Variants in MUC5B observed in about 807,000 individuals in gnomAD.
MUC5B encodes the protein mucin 5B, oligomeric mucus/gel-forming.
In MUC5B, 116 loss-of-function variants were observed where a neutral mutation model predicts 376.9. The observed-to-expected ratio is 0.31, with a 90% CI of 0.26 to 0.36. MUC5B has a LOEUF of 0.36. Among genes scored for constraint, MUC5B ranks in the 10% least tolerant of loss-of-function variants. The pLI, the probability that MUC5B is intolerant of heterozygous loss-of-function variation, is 1.00. For synonymous variants in MUC5B, 3,517 were observed against 3,390.9 expected (o/e 1.04, Z -1.29); for missense variants, 7,165 against 7,769.9 (o/e 0.92, Z 2.93).
intron 18 of MUC5B, 113 bp downstream of exon 18, chr11:1,233,381 C>A: frequency 8.0e-7 from 1 of 1,246,004 alleles, no homozygotes; most frequent in Non-Finnish European, 1.1e-6. Flanking sequence ...AGGGGCCAGG[C>A]TGGGGAGAGT....
chr11:1,254,934 C>T lies in MUC5B; in HGVS notation c.15664+54C>T. ...CAGGGCTGCTGCTGGGCCTGACAAC[C>T]CAGTGAGCATAGGGGAAGCCTGGGG... On this transcript the variant is annotated intron_variant, in intron 35 of 48. Transcript: ENST00000529681. The T allele has an allele frequency of 2.5e-6, 4 of 1,570,964 alleles. No homozygotes were observed. In the South Asian group the frequency reaches 4.6e-5, roughly 18 times the overall value.
chr11:1,238,973 C>A lies in MUC5B; in HGVS notation c.3400C>A (p.Gln1134Lys). ...CFCTAVAAYA[Q>K]ACHDAGLCVS... is the part of the protein sequence containing the mutation. ...CTGCACGGCTGTGGCTGCCTACGCC[C>A]AGGCCTGCCACGACGCGGGCCTGTG... The change falls in exon 26 of 49, where the codon CAG (glutamine) becomes AAG (lysine). Residue 1134 changes from glutamine to lysine, a missense_variant. Around this residue, in one of 31 missense-constraint regions of MUC5B, gnomAD observed 143 missense variants for 193.2 expected, o/e 0.74. Transcript: ENST00000529681. The A allele has an allele frequency of 1.9e-6, 3 of 1,572,256 alleles. No individual in the cohort carries two copies. Among genetic ancestry groups the A allele is most frequent in the Non-Finnish European group, 2.6e-6 (3 of 1,159,606 alleles).
chr11:1,233,374 G>A, intron 18 of MUC5B, 106 bp downstream of exon 18: 3 of 1,275,212 alleles, frequency 2.4e-6, no homozygotes, highest in Non-Finnish European at 3.1e-6. Flanking sequence ...AGACATGAGG[G>A]GCCAGGCTGG....
At position 1,249,719 on chromosome 11, in the gene MUC5B, A is replaced by T. The variant is rs1862613743; in HGVS notation, c.12839A>T (p.Lys4280Ile). ...ACCCCGGGAACAGCTCCCCCTCCCA[A>T]AGTGCTGACCAGCCCGGCCACCACA... is the stretch of plus-strand genomic sequence containing the variant. ...SSTPGTAPPP[K>I]VLTSPATTPT... is the part of the protein sequence containing the mutation. Residue 4280 changes from lysine to isoleucine, a missense_variant, in exon 31 of 49, where the codon AAA becomes ATA. Physicochemically the swap from Lys to Ile is moderately radical, Grantham distance 102. Coordinates refer to ENST00000529681, the MANE Select transcript of MUC5B (RefSeq NM_002458.3). 6.2e-7 allele frequency: 1 copy of T among 1,607,390 alleles called. No individual in the cohort carries two copies. The highest frequency in any genetic ancestry group is 2.2e-5 in the East Asian group (1 of 44,586).
Position 1,249,762 on chromosome 11 carries a change from C to T in MUC5B, c.12882C>T (p.Ser4294=). ...SPATTPTATS[S]KATSSSSPRT... is the part of the protein sequence containing the mutation. Reference sequence around the variant, plus strand: ...CCACCACACCCACAGCCACCAGTTCCAAAGCCACTTCCTCCTCCAGTCCAA... The same window carrying T: ...CCACCACACCCACAGCCACCAGTTCTAAAGCCACTTCCTCCTCCAGTCCAA... Residue 4294 remains serine (S), a synonymous_variant, in exon 31 of 49, where the codon TCC becomes TCT. Transcript: ENST00000529681. The T allele has an allele frequency of 6.2e-7, 1 of 1,613,036 alleles. No homozygotes were observed. The highest frequency in any genetic ancestry group is 8.5e-7 in the Non-Finnish European group (1 of 1,179,506).
chr11:1,253,094 G>A lies in MUC5B; in HGVS notation c.15217+114G>A. ...GGCACAGTGGGGTGCAGTGGGGAATGGTGGGGCATGGTGGGGCATGGTGGG... is the reference window on the plus strand; with the variant it reads ...GGCACAGTGGGGTGCAGTGGGGAATAGTGGGGCATGGTGGGGCATGGTGGG... On this transcript the variant is annotated intron_variant, in intron 33 of 48. Transcript: ENST00000529681. This position sits in a 1 kb window ranked among gnomAD's most constrained non-coding sequence, Gnocchi z 4.3. 5.3e-6 allele frequency: 5 copies of A among 941,430 alleles called. No individual in the cohort carries two copies. The highest frequency in any genetic ancestry group is 7.9e-6 in the Non-Finnish European group (5 of 634,930). The allele number at this position is 941,430 out of a possible 1,614,324, so 58.3% of individuals were successfully genotyped here. A position where few individuals can be genotyped will look rare whatever the true frequency, so the allele number is the denominator to read the frequency against.
rs1161382122 is a variant in MUC5B at position 1,261,632 on chromosome 11, G to A, written c.*24G>A. 2 of 1,577,434 alleles carry A rather than the reference G, an allele frequency of 1.3e-6. No individual in the cohort carries two copies. Among genetic ancestry groups the A allele is most frequent in the East Asian group, 2.3e-5 (1 of 43,266 alleles). ...GAGAACGTTCTGCCTCCATCCCCAT[G>A]CTCTGTCCACCTGGAGCCAGGATGT... On this transcript the variant is annotated 3_prime_UTR_variant, in exon 49 of 49. Transcript: ENST00000529681.
In MUC5B at chr11:1,241,630, G is replaced by T; in HGVS notation, c.4750G>T (p.Val1584Phe). The T allele has an allele frequency of 2.5e-6, 4 of 1,612,278 alleles. No individual in the cohort carries two copies. Among genetic ancestry groups the T allele is most frequent in the South Asian group, 1.1e-5 (1 of 90,988 alleles). ...GTGCAGGAACTGGGAGCAGGAGGGC[G>T]TCTTCAAGATGTGCTACAACTACAG... The part of the protein sequence containing the change: ...LVCRNWEQEG[V>F]FKMCYNYRIR... The change falls in exon 31 of 49, where the codon GTC (valine) becomes TTC (phenylalanine). Residue 1584 changes from valine (V) to phenylalanine (F), a missense_variant. Val to Phe is a conservative substitution (Grantham distance 50). Transcript: ENST00000529681.
Position 1,249,893 on chromosome 11 carries a change from C to T in MUC5B, c.13013C>T (p.Pro4338Leu), listed in dbSNP as rs1326940246. Residue 4338 changes from proline to leucine, a missense_variant, in exon 31 of 49, where the codon CCA becomes CTA. Physicochemically the swap from Pro to Leu is moderately conservative, Grantham distance 98. This residue lies in a region of MUC5B where 431 missense variants were observed against 390.4 expected (regional missense o/e 1.10). Coordinates refer to ENST00000529681, the MANE Select transcript of MUC5B (RefSeq NM_002458.3). ...ACCCTTGGGACCACCGGGACCCTCC[C>T]AGAACAGACCACCACACCCGTGGCC... ...SSTLGTTGTL[P>L]EQTTTPVATM... 2 of 1,613,648 alleles carry T rather than the reference C, an allele frequency of 1.2e-6. No individual in the cohort carries two copies. Among genetic ancestry groups the T allele is most frequent in the Non-Finnish European group, 1.7e-6 (2 of 1,179,798 alleles).
Position 1,249,996 on chromosome 11 carries a change from G to A in MUC5B, c.13116G>A (p.Thr4372=), listed in dbSNP as rs746438655. 33 of 1,606,824 alleles carry A rather than the reference G, an allele frequency of 2.1e-5. No homozygotes were observed. The East Asian group carries it at 5.2e-4, about 25-fold the overall frequency. ...CAGTGCTGACCACGAAGGCCACCAC[G>A]ACAAGGGCCACCAGTTCCACGTCCA... ...TSTVLTTKAT[T]TRATSSTSTP... Residue 4372 remains threonine, a synonymous_variant, in exon 31 of 49, where the codon ACG becomes ACA. Coordinates refer to ENST00000529681, the MANE Select transcript of MUC5B (RefSeq NM_002458.3).
chr11:1,239,863 C>A lies in MUC5B; in HGVS notation c.3648C>A (p.Ala1216=), dbSNP rs760618589. The A allele has an allele frequency of 3.7e-6, 6 of 1,613,108 alleles. No homozygotes were observed. Among genetic ancestry groups the A allele is most frequent in the African/African-American group, 2.7e-5 (2 of 74,916 alleles). ...ATGAGGACCAGATGAAGTGCGTGGC[C>A]CAGTGTGGCTGCTACGACAAGGACG... ...FFNEDQMKCV[A]QCGCYDKDGN... is the part of the protein sequence containing the mutation. Residue 1216 remains alanine (A), a synonymous_variant, in exon 28 of 49, where the codon GCC becomes GCA. Coordinates refer to ENST00000529681, the MANE Select transcript of MUC5B (RefSeq NM_002458.3).
chr11:1,235,317 C>A lies in MUC5B; in HGVS notation c.2784C>A (p.Asp928Glu). ...EYILAQDYCG[D>E]NTTHGTFRIV... ...TTCTGGCCCAGGACTACTGTGGGGA[C>A]AACACCACCCACGGGACCTTCCGCA... Residue 928 changes from aspartate (D) to glutamate (E), a missense_variant, in exon 23 of 49, where the codon GAC (aspartate) becomes GAA (glutamate). Physicochemically the swap from Asp to Glu is conservative, Grantham distance 45. Transcript: ENST00000529681. 2 of 1,612,944 alleles carry A rather than the reference C, an allele frequency of 1.2e-6. No individual in the cohort carries two copies. Among genetic ancestry groups the A allele is most frequent in the African/African-American group, 2.7e-5 (2 of 75,030 alleles).
rs1007713158 is a variant in MUC5B, at chr11:1,227,719, G to A, written c.712G>A (p.Asp238Asn). 4.1e-6 allele frequency: 3 copies of A among 724,354 alleles called. 1 individual carries two copies. The South Asian group carries it at 4.4e-5, about 11-fold the overall frequency. The allele number at this position is 724,354 out of a possible 1,614,324, so 44.9% of individuals were successfully genotyped here. A position where few individuals can be genotyped will look rare whatever the true frequency, so the allele number is the denominator to read the frequency against. Residue 238 changes from aspartate (D) to asparagine (N), a missense_variant, in exon 7 of 49, where the codon GAT becomes AAT. Coordinates refer to ENST00000529681, the MANE Select transcript of MUC5B (RefSeq NM_002458.3). Reference sequence around the variant, plus strand: ...CCAGTTTGGGAACCTGCAGAAGTTGGATGGGCCCACGGAGCAGTGCCCGGA... The same window carrying A: ...CCAGTTTGGGAACCTGCAGAAGTTGAATGGGCCCACGGAGCAGTGCCCGGA... ...PLQFGNLQKL[D>N]GPTEQCPDPL...
In MUC5B at chr11:1,244,149, G is replaced by C; in HGVS notation, c.7269G>C (p.Thr2423=). Residue 2423 remains threonine (T), a synonymous_variant, in exon 31 of 49, where the codon ACG becomes ACC. Transcript: ENST00000529681. ...HCPSTPATSS[T]AMPSSTPGTT... ...CCAGCACCCCGGCCACCAGCTCTAC[G>C]GCCATGCCCTCCTCCACTCCGGGGA... 2 of 1,613,276 alleles carry C rather than the reference G, an allele frequency of 1.2e-6. No homozygotes were observed. The highest frequency in any genetic ancestry group is 1.7e-6 in the Non-Finnish European group (2 of 1,179,758).
intron 25 of MUC5B, among the ~76,000 whole-genome samples, chr11:1,237,524 C>A (rs372315513): frequency 4.0e-4 from 61 of 152,324 alleles, no homozygotes; most frequent in African/African-American, 1.4e-3. Context: ...AGCCTGGCTC[C>A]CCGCTCAGCC....
At position 1,252,607 on chromosome 11, in the gene MUC5B, G is replaced by C. The variant is rs907460221; in HGVS notation, c.15045+83G>C. ...GAGGCACAGCCACAGTCCAGCTCCC[G>C]AGGCCCGTCTCAGTGACCCCGCCGC... On this transcript the variant is annotated intron_variant, in intron 32 of 48. Coordinates refer to ENST00000529681, the MANE Select transcript of MUC5B (RefSeq NM_002458.3). 3.5e-6 allele frequency: 5 copies of C among 1,415,746 alleles called. No homozygotes were observed. The African/African-American group carries it at 5.8e-5, about 16-fold the overall frequency. 87.7% of individuals were successfully genotyped at this position (1,415,746 alleles called of 1,614,324 possible).
Position 1,261,774 on chromosome 11 carries a change from G to T in MUC5B, c.*166G>T. ...CCGTGGGTGAAACCGGCCCCAGAAGGGTGAGGGGCCAGCAGGACCCCTTTC... is the reference window on the plus strand; with the variant it reads ...CCGTGGGTGAAACCGGCCCCAGAAGTGTGAGGGGCCAGCAGGACCCCTTTC... On this transcript the variant is annotated 3_prime_UTR_variant, in exon 49 of 49. Coordinates refer to ENST00000529681, the MANE Select transcript of MUC5B (RefSeq NM_002458.3). The T allele has an allele frequency of 1.3e-6, 1 of 749,580 alleles. No homozygotes were observed. 46.4% of individuals were successfully genotyped at this position (749,580 alleles called of 1,614,324 possible). A position where few individuals can be genotyped will look rare whatever the true frequency, so the allele number is the denominator to read the frequency against.
rs371763448 is a variant in MUC5B, at chr11:1,244,769, T to C, written c.7889T>C (p.Leu2630Pro). 6.4e-4 allele frequency: 1,026 copies of C among 1,611,152 alleles called. 11 individuals are homozygous for C. Among genetic ancestry groups the C allele is most frequent in the South Asian group, 1.8e-3 (165 of 90,932 alleles). Residue 2630 changes from leucine (L) to proline (P), a missense_variant, in exon 31 of 49, where the codon CTT becomes CCT. Leu to Pro is a moderately conservative substitution (Grantham distance 98, BLOSUM62 -3). Transcript: ENST00000529681. ...PSSSPGTART[L>P]PVWISTTTTP... ...TCCAGCCCAGGGACGGCACGCACGCTTCCAGTGTGGATCAGCACAACCACC... is the reference window on the plus strand; with the variant it reads ...TCCAGCCCAGGGACGGCACGCACGCCTCCAGTGTGGATCAGCACAACCACC...
chr11:1,225,931 G>T, intron 2 of MUC5B, among the ~76,000 whole-genome samples, 194 bp downstream of exon 2: 1 of 152,364 alleles, frequency 6.6e-6, no homozygotes, highest in Middle Eastern at 3.4e-3. Flanking sequence ...GCAGAGCAGA[G>T]AGACATGCAC....
Sources: allele counts gnomAD v4.1 joint callset (sites outside exome capture counted in the v4.1 genomes callset), GRCh38; gene constraint gnomAD v4.1.1; regional missense constraint gnomAD v4.1.1; non-coding constraint Gnocchi (gnomAD v3.1); transcripts MANE v1.5; gene names NCBI Gene and HGNC (gene_info 2026-07-23, HGNC 2026-07-21).